GART: variants seen among roughly 807,000 people sequenced by gnomAD.
The protein encoded by GART is trifunctional purine biosynthetic protein adenosine-3.
GART carries 43 observed loss-of-function variants against 107.2 expected under a neutral mutation model. The ratio of observed to expected loss-of-function variants is 0.40; its 90% CI spans 0.31 to 0.52. GART has a LOEUF of 0.52. GART is among the 20% of genes least tolerant of loss of function. GART has a pLI of 0.52. For synonymous variants in GART, 434 were observed against 427.0 expected, an observed-to-expected ratio of 1.02 and a Z score of -0.20; for missense variants, 1,107 against 1,206.5, an observed-to-expected ratio of 0.92 and a Z score of 1.22.
intron 1 of GART, among the ~76,000 whole-genome samples, chr21:33,539,947 G>T (rs2085380117): frequency 6.6e-6 from 1 of 152,042 alleles, no homozygotes; most frequent in Non-Finnish European, 1.5e-5. Flanking sequence ...ACTTCAAAAA[G>T]ATTTAATAAT....
At chr21:33,523,397 TTCA>T (rs2085008044) in intron 11 of GART, among the ~76,000 whole-genome samples, 1 of 152,228 alleles carries the variant, frequency 6.6e-6, no homozygotes, top group Non-Finnish European at 1.5e-5. Flanking sequence ...TTTCCATTTT[TTCA>T]TCTTTATAAC....
intron 14 of GART, 82 bp downstream of exon 14, chr21:33,520,282 A>G (rs2084947025): frequency 3.4e-6 from 4 of 1,182,162 alleles, no homozygotes; most frequent in Admixed American, 3.5e-5. Flanking sequence ...TGCTAGCTAC[A>G]TTGGCACTGA....
intron 16 of GART, among the ~76,000 whole-genome samples, chr21:33,516,246 T>TAAAAAA (rs11321647): frequency 1.2e-4 from 11 of 95,170 alleles, no homozygotes; most frequent in South Asian, 3.6e-4. Context: ...AGACTCTGTC[T>TAAAAAA]AAAAAAAAAA....
chr21:33,525,221 C>CATAAATAA (rs572808243), intron 10 of GART, among the ~76,000 whole-genome samples: 27 of 151,224 alleles, frequency 1.8e-4, no homozygotes, highest in African/African-American at 5.8e-4. Flanking sequence ...CTCGCCTCTA[C>CATAAATAA]ATAAATAAAT....
intron 6 of GART, 77 bp downstream of exon 6, chr21:33,531,411 TC>T (rs1414634821): frequency 9.7e-6 from 12 of 1,237,546 alleles, no homozygotes; most frequent in Non-Finnish European, 1.4e-5. Context: ...CCAGAGTATA[TC>T]AAGTCTTTTC....
In GART at chr21:33,534,623, C is replaced by A; in HGVS notation, c.372G>T (p.Trp124Cys). ...CTTCTTCAGGTTTGGTGAAAGCCTT[C>A]CATTGTGCGGTTGGGATTCCATGTC... is the stretch of plus-strand genomic sequence containing the variant. ...MDRHGIPTAQ[W>C]KAFTKPEEAC... Residue 124 changes from tryptophan to cysteine, a missense_variant, in exon 4 of 22, where the codon TGG (tryptophan) becomes TGT (cysteine). Trp to Cys is a radical substitution (Grantham distance 215, BLOSUM62 -2). Coordinates refer to ENST00000381815, the MANE Select transcript of GART (RefSeq NM_000819.5). The A allele has an allele frequency of 1.2e-6, 2 of 1,614,218 alleles. No individual in the cohort carries two copies. Among genetic ancestry groups the A allele is most frequent in the Non-Finnish European group, 1.7e-6 (2 of 1,180,042 alleles).
At chr21:33,523,909 G>C (rs1001211015) in intron 11 of GART, 3 of 627,286 alleles carry the variant, frequency 4.8e-6, no homozygotes, top group South Asian at 1.4e-4. Context: ...GGAGGTTGCA[G>C]TGAGGCGAGA....
intron 20 of GART, among the ~76,000 whole-genome samples, chr21:33,504,842 G>T (rs1364905737): frequency 6.6e-6 from 1 of 152,060 alleles, no homozygotes; most frequent in Admixed American, 6.6e-5. Context: ...TAAGCAAGAG[G>T]TTCTTACATA....
At chr21:33,520,015 C>T (rs1341864836) in intron 14 of GART, among the ~76,000 whole-genome samples, 4 of 151,854 alleles carry the variant, frequency 2.6e-5, no homozygotes, top group Non-Finnish European at 5.9e-5. Context: ...CTGCCTGTAC[C>T]GTGGGGTCAA....
intron 14 of GART, among the ~76,000 whole-genome samples, chr21:33,517,948 T>TTTA (rs2084907643): frequency 6.6e-6 from 1 of 152,230 alleles, no homozygotes; most frequent in African/African-American, 2.4e-5. Context: ...TATTTGATCT[T>TTTA]TATAATCAGT....
intron 18 of GART, among the ~76,000 whole-genome samples, chr21:33,506,876 C>T (rs896047068): frequency 3.9e-5 from 6 of 152,088 alleles, no homozygotes; most frequent in African/African-American, 1.4e-4. Flanking sequence ...TTGTCTCGCC[C>T]CGGTTAAAAT....
At chr21:33,511,177 G>C in intron 17 of GART, 75 bp downstream of exon 17, 1 of 1,491,986 alleles carries the variant, frequency 6.7e-7, no homozygotes, top group Non-Finnish European at 9.3e-7. Flanking sequence ...CAGAAAGCTT[G>C]TGAGGCAAGG....
intron 7 of GART, 38 bp from the exon 8 acceptor site, chr21:33,528,975 A>G (rs2085130359): frequency 2.1e-6 from 3 of 1,408,124 alleles, no homozygotes; most frequent in African/African-American, 1.4e-5. Flanking sequence ...GTAACAGGTA[A>G]CTTAAAAAGT....
At position 33,511,419 on chromosome 21, in the gene GART, A is replaced by G. The variant is rs755176399; in HGVS notation, c.2147T>C (p.Leu716Ser). The change falls in exon 17 of 22, where the codon TTG (leucine) becomes TCG (serine). Residue 716 changes from leucine (L) to serine (S), a missense_variant. By Grantham distance (145) the Leu-to-Ser change is moderately radical. Transcript: ENST00000381815. ...TWRIPRVFSW[L>S]QQEGHLSEEE... The stretch of plus-strand genomic sequence containing the variant: ...CTCAGAGAGGTGTCCTTCCTGCTGC[A>G]ACCATGAGAAGACCCTGGGGATCCT... 2 of 1,614,168 alleles carry G rather than the reference A, an allele frequency of 1.2e-6. No individual in the cohort carries two copies. Among genetic ancestry groups the G allele is most frequent in the Non-Finnish European group, 1.7e-6 (2 of 1,180,030 alleles).
intron 16 of GART, 111 bp downstream of exon 16, chr21:33,516,878 A>T: frequency 2.1e-6 from 2 of 936,290 alleles, no homozygotes; most frequent in Non-Finnish European, 3.2e-6. Context: ...CCCAATGATT[A>T]AGAATTTTCC....
At chr21:33,533,403 C>A (rs2085233790) in intron 4 of GART, among the ~76,000 whole-genome samples, 1 of 148,984 alleles carries the variant, frequency 6.7e-6, no homozygotes, top group African/African-American at 2.5e-5. Context: ...AGAGATAGCG[C>A]CACTGCAGTC....
intron 1 of GART, among the ~76,000 whole-genome samples, chr21:33,539,883 A>G (rs377235791): frequency 1.3e-5 from 2 of 152,196 alleles, no homozygotes; most frequent in East Asian, 1.9e-4. Flanking sequence ...TAGGTTAAGG[A>G]GTCAAACGAT....
rs540416206 is a variant in GART at position 33,531,569 on chromosome 21, A to AT, written c.529-13dup. ...CCAAAGGCTTTCTCCTGATTGTAAG[A>AT]TTTTTTTTTTTTTTTTTTTTAAAAA... On this transcript the variant is annotated splice_polypyrimidine_tract_variant and intron_variant, in intron 5 of 21. Coordinates refer to ENST00000381815, the MANE Select transcript of GART (RefSeq NM_000819.5). 0.13 allele frequency: 180,194 copies of AT among 1,392,608 alleles called. 2,807 individuals are homozygous for AT. Among genetic ancestry groups the AT allele is most frequent in the African/African-American group, 0.3 (19,038 of 62,720 alleles). The allele number at this position is 1,392,608 out of a possible 1,614,324, so 86.3% of individuals were successfully genotyped here.
At chr21:33,523,218 T>C (rs1429109971) in intron 11 of GART, among the ~76,000 whole-genome samples, 1 of 152,148 alleles carries the variant, frequency 6.6e-6, no homozygotes. Context: ...TTTATAGAAG[T>C]GTCTTTAAAA....
Sources: gnomAD v4.1 joint callset for allele counts (sites outside exome capture counted in the v4.1 genomes callset) on GRCh38, gnomAD v4.1.1 for gene constraint, MANE v1.5 for transcripts, NCBI Gene and HGNC (gene_info 2026-07-23, HGNC 2026-07-21) for gene names.